SMTNL1: variants seen among roughly 807,000 people sequenced by gnomAD.
SMTNL1 encodes smoothelin-like protein 1.
Under a neutral mutation model 46.6 loss-of-function variants are expected in SMTNL1, and 41 were observed. The ratio of observed to expected loss-of-function variants is 0.88; its 90% confidence interval spans 0.69 to 1.14. The LOEUF (loss-of-function observed/expected upper bound fraction) is 1.14, where lower values mean the gene tolerates loss of function less well. Among genes scored for constraint, SMTNL1 ranks in the 50% most tolerant of loss-of-function variants. SMTNL1 has a pLI of 0.00. For missense variants in SMTNL1, 591 were observed against 626.1 expected, an observed-to-expected ratio of 0.94 and a Z score of 0.60; for synonymous variants, 234 against 234.2, an observed-to-expected ratio of 1.00 and a Z score of 0.01.
chr11:57,538,156 C>T (rs1226576175), intron 1 of SMTNL1, among the ~76,000 whole-genome samples: 1 of 152,014 alleles, frequency 6.6e-6, no homozygotes, highest in Non-Finnish European at 1.5e-5. Context: ...AGATTGGATA[C>T]CCCTAGTCTA....
chr11:57,542,284 C>T (rs550515349), intron 1 of SMTNL1, among the ~76,000 whole-genome samples: 301 of 152,230 alleles, frequency 2.0e-3, no homozygotes, highest in Middle Eastern at 6.8e-3. Context: ...GATGACAGAG[C>T]GAGACCTTGT....
chr11:57,547,001 G>A (rs188823493), intron 7 of SMTNL1, among the ~76,000 whole-genome samples: 154 of 152,264 alleles, frequency 1.0e-3, no homozygotes, highest in Non-Finnish European at 2.1e-3. Flanking sequence ...GGGTATGGTG[G>A]TGGATACCTG....
At chr11:57,547,117 G>C (rs1156581763) in intron 7 of SMTNL1, among the ~76,000 whole-genome samples, 1 of 152,140 alleles carries the variant, frequency 6.6e-6, no homozygotes, top group Admixed American at 6.6e-5. Flanking sequence ...TTGGGTGACA[G>C]AGCAAAACTT....
At position 57,545,992 on chromosome 11, in the gene SMTNL1, G is replaced by A. The variant is rs1215755140; in HGVS notation, c.1029G>A (p.Gly343=). ...RRVSAPARPR[G]PRAQNRKAIV... is the part of the protein sequence containing the mutation. ...TATCAGCCCCTGCTCGGCCCCGGGG[G>A]CCCCGGGCACAGAACCGCAAAGCCA... Residue 343 remains glycine, a synonymous_variant, in exon 5 of 8, where the codon GGG becomes GGA. Transcript: ENST00000527972. The A allele has an allele frequency of 1.9e-6, 3 of 1,605,972 alleles. No homozygotes were observed. Among genetic ancestry groups the A allele is most frequent in the Non-Finnish European group, 2.5e-6 (3 of 1,176,862 alleles).
chr11:57,540,893 T>G (rs925581085), intron 1 of SMTNL1, among the ~76,000 whole-genome samples: 2 of 151,998 alleles, frequency 1.3e-5, no homozygotes, highest in African/African-American at 4.8e-5. Context: ...GTATTTGTAG[T>G]AGAGATGGGG....
intron 6 of SMTNL1, 60 bp downstream of exon 6, chr11:57,546,407 C>T: frequency 2.8e-6 from 3 of 1,088,374 alleles, no homozygotes; most frequent in Non-Finnish European, 2.5e-6. Context: ...CCAAGTGGTG[C>T]AAACCCCAAA....
At position 57,546,647 on chromosome 11, in the gene SMTNL1, A is replaced by G. The variant is rs1441222330; in HGVS notation, c.1335A>G (p.Thr445=). ...ACAACTTCACCCTGGCCTTCTCCAC[A>G]GCAGAGTAAGCCACAGCCATGGGCT... ...RRHNFTLAFS[T]AEKLADCAQL... is the part of the protein sequence containing the mutation. Residue 445 remains threonine (T), a synonymous_variant, in exon 7 of 8, where the codon ACA becomes ACG. Transcript: ENST00000527972. The G allele has an allele frequency of 1.2e-5, 20 of 1,613,096 alleles. No individual in the cohort carries two copies. Among genetic ancestry groups the G allele is most frequent in the Non-Finnish European group, 1.6e-5 (19 of 1,179,576 alleles).
chr11:57,547,087 T>C (rs1351573903), intron 7 of SMTNL1, among the ~76,000 whole-genome samples: 1 of 152,104 alleles, frequency 6.6e-6, no homozygotes, highest in Non-Finnish European at 1.5e-5. Context: ...TGAGCCATGA[T>C]TGAGTCACTG....
chr11:57,539,018 C>G (rs1427249387), intron 1 of SMTNL1, among the ~76,000 whole-genome samples: 1 of 152,000 alleles, frequency 6.6e-6, no homozygotes, highest in African/African-American at 2.4e-5. Context: ...CCTTCCCCTC[C>G]ACCACCCTAA....
chr11:57,541,005 G>A (rs1353578767), intron 1 of SMTNL1, among the ~76,000 whole-genome samples: 1 of 152,118 alleles, frequency 6.6e-6, no homozygotes, highest in African/African-American at 2.4e-5. Flanking sequence ...CACCATGCCC[G>A]GCGTCATCTT....
intron 1 of SMTNL1, among the ~76,000 whole-genome samples, chr11:57,539,267 A>C (rs139692099): frequency 2.1e-3 from 314 of 152,276 alleles, no homozygotes; most frequent in Non-Finnish European, 3.6e-3. Context: ...TGAGGTGGGA[A>C]GATCCGTTGA....
Position 57,546,670 on chromosome 11 carries a change from G to C in SMTNL1, c.1340+18G>C. 2.5e-6 allele frequency: 4 copies of C among 1,609,006 alleles called. No individual in the cohort carries two copies. Among genetic ancestry groups the C allele is most frequent in the Non-Finnish European group, 2.5e-6 (3 of 1,177,688 alleles). ...ACAGCAGAGTAAGCCACAGCCATGGGCTGGCAGAGCTGGATGGGAGCCTAG... is the reference window on the plus strand; with the variant it reads ...ACAGCAGAGTAAGCCACAGCCATGGCCTGGCAGAGCTGGATGGGAGCCTAG... On this transcript the variant is annotated intron_variant, in intron 7 of 7. Coordinates refer to ENST00000527972, the MANE Select transcript of SMTNL1 (RefSeq NM_001105565.3).
chr11:57,542,111 A>C (rs2848636), intron 1 of SMTNL1, among the ~76,000 whole-genome samples: 1,124 of 87,932 alleles, frequency 0.013, 12 homozygotes, highest in East Asian at 0.054. Flanking sequence ...CTACAAAAAA[A>C]AAACACACAC....
chr11:57,541,903 C>T (rs1944880210), intron 1 of SMTNL1, among the ~76,000 whole-genome samples: 1 of 152,024 alleles, frequency 6.6e-6, no homozygotes, highest in South Asian at 2.1e-4. Context: ...TTATTCAATT[C>T]TATCTAGATA....
chr11:57,543,702 T>A lies in SMTNL1; in HGVS notation c.811T>A (p.Ser271Thr), dbSNP rs367688633. ...GGGAGGGGCAGGGGTGATTCCCAGC[T>A]CCCCAGAGGAGTGGCCTGAGAGCCC... Reference protein sequence around the residue: ...PEGGAGVIPSSPEEWPESPTG... With the variant: ...PEGGAGVIPSTPEEWPESPTG... The change falls in exon 3 of 8, where the codon TCC becomes ACC. Residue 271 changes from serine to threonine, a missense_variant. Physicochemically the swap from Ser to Thr is moderately conservative, Grantham distance 58. Coordinates refer to ENST00000527972, the MANE Select transcript of SMTNL1 (RefSeq NM_001105565.3). 4 of 1,583,188 alleles carry A rather than the reference T, an allele frequency of 2.5e-6. No homozygotes were observed. In the African/African-American group the frequency reaches 5.4e-5, roughly 21 times the overall value.
chr11:57,541,965 T>C (rs1385739772), intron 1 of SMTNL1, among the ~76,000 whole-genome samples: 4 of 151,954 alleles, frequency 2.6e-5, no homozygotes, highest in Admixed American at 6.6e-5. Context: ...CCATAGGTGT[T>C]CTAGGATGCC....
In SMTNL1 at chr11:57,543,432, G is replaced by A. The variant is rs1019586967; in HGVS notation, c.732+58G>A. The A allele has an allele frequency of 2.5e-6, 4 of 1,573,864 alleles. No individual in the cohort carries two copies. The African/African-American group carries it at 5.4e-5, about 21-fold the overall frequency. ...TGTCGTCTCCTGCTTCTGGAAGCAA[G>A]CCCCCTCTGCTTCAGTCAGTTGGGA... On this transcript the variant is annotated intron_variant, in intron 2 of 7. Transcript: ENST00000527972.
chr11:57,547,895 G>A (rs1299116301), intron 7 of SMTNL1, among the ~76,000 whole-genome samples: 1 of 152,222 alleles, frequency 6.6e-6, no homozygotes, highest in Non-Finnish European at 1.5e-5. Context: ...TGGGGCCCTG[G>A]TTTCTCCTAT....
chr11:57,548,167 G>A (rs1278071351), intron 7 of SMTNL1, among the ~76,000 whole-genome samples: 5 of 152,138 alleles, frequency 3.3e-5, no homozygotes, highest in African/African-American at 9.7e-5. Context: ...TCAGATTGTC[G>A]GCCTCAGCAA....
Sources: gnomAD v4.1 joint callset for allele counts (sites outside exome capture counted in the v4.1 genomes callset) on GRCh38, gnomAD v4.1.1 for gene constraint, MANE v1.5 for transcripts, NCBI Gene and HGNC (gene_info 2026-07-23, HGNC 2026-07-21) for gene names.